Variants in NCALD observed in about 807,000 individuals in gnomAD.
NCALD encodes neurocalcin-delta.
NCALD carries 10 observed loss-of-function variants against 18.6 expected under a neutral mutation model. The observed-to-expected ratio is 0.54, with a 90% CI of 0.33 to 0.91. The LOEUF (loss-of-function observed/expected upper bound fraction) is 0.91, where lower values mean the gene tolerates loss of function less well. Among genes scored for constraint, NCALD ranks in the 40% least tolerant of loss-of-function variants. NCALD has a pLI of 0.03. For synonymous variants in NCALD, 88 were observed against 87.4 expected (o/e 1.01, Z -0.04); for missense variants, 184 against 247.6 (o/e 0.74, Z 1.72).
At chr8:102,101,650 T>A (rs1186207078) in intron 1 of NCALD, among the ~76,000 whole-genome samples, 6 of 152,240 alleles carry the variant, frequency 3.9e-5, no homozygotes, top group African/African-American at 1.4e-4. Context: ...GTGGCTAAAA[T>A]GAGAGCCTTT....
chr8:102,121,242 C>A (rs745756462), intron 1 of NCALD, among the ~76,000 whole-genome samples: 5 of 152,094 alleles, frequency 3.3e-5, no homozygotes, highest in Admixed American at 1.3e-4. Context: ...TTGTTTACAA[C>A]GCTTTAAAAA....
chr8:101,916,541 T>C (rs1054963489), intron 2 of NCALD, among the ~76,000 whole-genome samples: 1 of 152,136 alleles, frequency 6.6e-6, no homozygotes, highest in African/African-American at 2.4e-5. Flanking sequence ...TGAATGCAAG[T>C]GGTTTCAATG....
At chr8:101,784,286 TG>T (rs1488845604) in intron 1 of NCALD, among the ~76,000 whole-genome samples, 1 of 152,140 alleles carries the variant, frequency 6.6e-6, no homozygotes, top group African/African-American at 2.4e-5. Context: ...CTATGTGGTC[TG>T]GGTTTCCTAC....
At chr8:102,016,647 C>G (rs1460832845) in intron 2 of NCALD, among the ~76,000 whole-genome samples, 1 of 152,208 alleles carries the variant, frequency 6.6e-6, no homozygotes. Context: ...AAACTCAATA[C>G]TAATTACCAA....
intron 1 of NCALD, among the ~76,000 whole-genome samples, chr8:101,770,792 A>T (rs544764916): frequency 3.3e-5 from 5 of 152,370 alleles, no homozygotes; most frequent in Admixed American, 2.0e-4. Flanking sequence ...TTTTAAATTT[A>T]AAACTAAATG....
intron 4 of NCALD, among the ~76,000 whole-genome samples, chr8:101,822,808 A>T (rs1813775613): frequency 6.6e-6 from 1 of 152,170 alleles, no homozygotes; most frequent in South Asian, 2.1e-4. Flanking sequence ...CCATTCTTCC[A>T]GTGGTAGCAG....
At chr8:101,819,250 TATAA>T (rs1473184148) in intron 4 of NCALD, among the ~76,000 whole-genome samples, 2 of 146,276 alleles carry the variant, frequency 1.4e-5, no homozygotes, top group Non-Finnish European at 3.0e-5. Context: ...TTTGTTTACT[TATAA>T]ATACATAACT....
intron 1 of NCALD, among the ~76,000 whole-genome samples, chr8:102,078,047 G>A (rs1205728107): frequency 1.3e-5 from 2 of 152,066 alleles, no homozygotes; most frequent in African/African-American, 2.4e-5. Flanking sequence ...AAAACTTAAC[G>A]TGTCCAAAAC....
At position 102,112,344 on chromosome 8, in the gene NCALD, A is replaced by G. The variant is rs79479737; in HGVS notation, c.-210+11893T>C. Among the ~76,000 whole-genome samples, 1,345 of 152,288 alleles carry G rather than the reference A, an allele frequency of 8.8e-3. 21 individuals are homozygous for G. The highest frequency in any genetic ancestry group is 0.031 in the African/African-American group (1,284 of 41,554). ...AGGGGCCTCACAGCTAATAAGTGGC[A>G]ATACTAAGACCAAAACCGGATTAAT... On this transcript the variant is annotated intron_variant, in intron 1 of 6. Transcript: ENST00000311028.
At chr8:101,963,063 G>A (rs7820244) in intron 2 of NCALD, among the ~76,000 whole-genome samples, 62,205 of 151,962 alleles carry the variant, frequency 0.41, 13,010 homozygotes, top group Admixed American at 0.48. Context: ...TCCATTTCAG[G>A]CTGCCAACAG....
At chr8:102,051,118 C>A (rs1043088312) in intron 1 of NCALD, among the ~76,000 whole-genome samples, 3 of 152,124 alleles carry the variant, frequency 2.0e-5, no homozygotes, top group African/African-American at 7.2e-5. Context: ...TGCCCTGTCT[C>A]TCAACCCCCA....
intron 2 of NCALD, among the ~76,000 whole-genome samples, chr8:102,001,723 G>A (rs960064172): frequency 5.9e-5 from 9 of 152,192 alleles, no homozygotes; most frequent in South Asian, 2.1e-4. Flanking sequence ...GTCAATATTC[G>A]ACATTCTTAA....
upstream of NCALD, among the ~76,000 whole-genome samples, chr8:101,794,793 C>T (rs1380618230): frequency 1.3e-5 from 2 of 152,166 alleles, no homozygotes; most frequent in Non-Finnish European, 2.9e-5. Context: ...GATTTATACT[C>T]AGGAAGCTTA....
At chr8:101,783,244 T>G (rs1304324817) in intron 1 of NCALD, among the ~76,000 whole-genome samples, 1 of 151,976 alleles carries the variant, frequency 6.6e-6, no homozygotes, top group Non-Finnish European at 1.5e-5. Context: ...TGGGGTGAAG[T>G]TTAAGTAAGT....
intron 1 of NCALD, among the ~76,000 whole-genome samples, chr8:101,776,133 T>C (rs961167325): frequency 2.6e-5 from 4 of 152,178 alleles, no homozygotes; most frequent in Non-Finnish European, 5.9e-5. Context: ...TCTTTAGTAA[T>C]GTTCTAAAAC....
At chr8:102,112,086 T>G (rs1188911079) in intron 1 of NCALD, among the ~76,000 whole-genome samples, 2 of 152,230 alleles carry the variant, frequency 1.3e-5, no homozygotes, top group Non-Finnish European at 2.9e-5. Flanking sequence ...TCTCCCTAAT[T>G]TATCTCTTTA....
intron 4 of NCALD, among the ~76,000 whole-genome samples, chr8:101,858,576 GC>G (rs1815414027): frequency 6.6e-6 from 1 of 152,092 alleles, no homozygotes; most frequent in South Asian, 2.1e-4. Flanking sequence ...AAGACCAGAG[GC>G]TGAAAATGGG....
chr8:101,715,870 G>A (rs1816055063), intron 2 of NCALD, among the ~76,000 whole-genome samples: 1 of 152,144 alleles, frequency 6.6e-6, no homozygotes, highest in African/African-American at 2.4e-5. Flanking sequence ...ACTGTTGGTG[G>A]GAACATAAAT....
chr8:102,064,803 A>G (rs1398294959), intron 1 of NCALD, among the ~76,000 whole-genome samples: 4 of 152,090 alleles, frequency 2.6e-5, no homozygotes, highest in Non-Finnish European at 4.4e-5. Context: ...GCCAGTGTGC[A>G]AAGTTGAGTG....
Sources: allele counts gnomAD v4.1 joint callset (sites outside exome capture counted in the v4.1 genomes callset), GRCh38; gene constraint gnomAD v4.1.1; transcripts MANE v1.5; gene names NCBI Gene and HGNC (gene_info 2026-07-23, HGNC 2026-07-21).